HOXA7: variants seen among roughly 807,000 people sequenced by gnomAD.
HOXA7 encodes the protein homeobox protein Hox-A7.
In HOXA7, 16 loss-of-function variants were observed where a neutral mutation model predicts 16.8. The observed-to-expected ratio is 0.95, with a 90% CI of 0.64 to 1.44. The LOEUF (loss-of-function observed/expected upper bound fraction) is 1.44. Among genes scored for constraint, HOXA7 ranks in the 40% most tolerant of loss-of-function variants. HOXA7 has a pLI of 0.00. For missense variants in HOXA7, 379 were observed against 328.6 expected (o/e 1.15, Z -1.19); for synonymous variants, 169 against 144.3 (o/e 1.17, Z -1.23).
chr7:27,154,222 G>T lies in HOXA7; in HGVS notation c.*687C>A, dbSNP rs1783059153. ...TGTGGGTGCCAAGCCAGAGAAGGAG[G>T]GATTGATTCTAGGGTGCAAGCACTT... On this transcript the variant is annotated 3_prime_UTR_variant, in exon 2 of 2. Coordinates refer to ENST00000242159, the MANE Select transcript of HOXA7 (RefSeq NM_006896.4). The T allele has an allele frequency of 6.6e-6, 1 of 152,206 alleles. No homozygotes were observed. Among genetic ancestry groups the T allele is most frequent in the Non-Finnish European group, 1.5e-5 (1 of 68,060 alleles). The allele number at this position is 152,206 out of a possible 1,614,324, so 9.4% of individuals were successfully genotyped here.
Position 27,155,194 on chromosome 7 carries a change from G to A in HOXA7, c.408C>T (p.Thr136=). Residue 136 remains threonine (T), a synonymous_variant, in exon 2 of 2, where the codon ACC becomes ACT. Transcript: ENST00000242159. ...GCTCCAGCGTCTGGTAGCGCGTGTA[G>A]GTCTGGCGGCCCCGCTTCCTGTCAG... is the stretch of plus-strand genomic sequence containing the variant. ...SGPDRKRGRQ[T]YTRYQTLELE... is the part of the protein sequence containing the mutation. The A allele has an allele frequency of 1.2e-6, 2 of 1,614,240 alleles. No individual in the cohort carries two copies. The highest frequency in any genetic ancestry group is 2.2e-5 in the South Asian group (2 of 91,084).
chr7:27,156,646 C>A lies in HOXA7; in HGVS notation c.-101G>T, dbSNP rs1225099086. 3 of 1,336,074 alleles carry A rather than the reference C, an allele frequency of 2.2e-6. No homozygotes were observed. The African/African-American group carries it at 4.4e-5, about 20-fold the overall frequency. The allele number at this position is 1,336,074 out of a possible 1,614,324, so 82.8% of individuals were successfully genotyped here. On this transcript the variant is annotated 5_prime_UTR_variant, in exon 1 of 2. The change abolishes an upstream ATG in the 5' untranslated region. Transcript: ENST00000242159. ...ACACCCCCAGATTTACACCAAACCC[C>A]ATTTTCTTTTGGACGGAGCTCGCCG...
rs1783047239 is a variant in HOXA7, at chr7:27,153,920, A to T, written c.*989T>A. The T allele has an allele frequency of 6.5e-6, 1 of 152,694 alleles. No individual in the cohort carries two copies. Among genetic ancestry groups the T allele is most frequent in the Non-Finnish European group, 1.5e-5 (1 of 68,060 alleles). 9.5% of individuals were successfully genotyped at this position (152,694 alleles called of 1,614,324 possible). On this transcript the variant is annotated 3_prime_UTR_variant, in exon 2 of 2. Coordinates refer to ENST00000242159, the MANE Select transcript of HOXA7 (RefSeq NM_006896.4). Reference sequence around the variant, plus strand: ...ACCATGCTACAAAGTCACCCCATTAACACATCCTTTCCAAGTCAAGACACT... The same window carrying T: ...ACCATGCTACAAAGTCACCCCATTATCACATCCTTTCCAAGTCAAGACACT...
chr7:27,155,423 C>T, intron 1 of HOXA7: 1 of 604,384 alleles, frequency 1.7e-6, no homozygotes, highest in Non-Finnish European at 2.9e-6. Flanking sequence ...GACGCGCAGG[C>T]AGCTCTGTAA....
chr7:27,156,560 A>G lies in HOXA7; in HGVS notation c.-15T>C, dbSNP rs1318217226. 6.4e-7 allele frequency: 1 copy of G among 1,553,590 alleles called. No individual in the cohort carries two copies. The highest frequency in any genetic ancestry group is 8.7e-7 in the Non-Finnish European group (1 of 1,147,032). On this transcript the variant is annotated 5_prime_UTR_variant, in exon 1 of 2. Coordinates refer to ENST00000242159, the MANE Select transcript of HOXA7 (RefSeq NM_006896.4). The stretch of plus-strand genomic sequence containing the variant: ...GAAGAACTCATAATTTTGACCTGTG[A>G]TTTGTTGTCCGGCAGCTTTCAGTGT...
In HOXA7 at chr7:27,156,418, C is replaced by G; in HGVS notation, c.128G>C (p.Gly43Ala). 6.2e-7 allele frequency: 1 copy of G among 1,613,638 alleles called. No homozygotes were observed. The highest frequency in any genetic ancestry group is 8.5e-7 in the Non-Finnish European group (1 of 1,179,734). Residue 43 changes from glycine (G) to alanine (A), a missense_variant, in exon 1 of 2, where the codon GGC becomes GCC. Gly to Ala is a moderately conservative substitution (Grantham distance 60, BLOSUM62 0). Transcript: ENST00000242159. ...PNSQRSGYGA[G>A]AGAFASTVPG... ...AACGGTCGAGGCGAAGGCGCCGGCG[C>G]CCGCCCCGTAGCCGCTTCTCTGTGA...
At position 27,154,679 on chromosome 7, in the gene HOXA7, G is replaced by C. The variant is rs1348934422; in HGVS notation, c.*230C>G. On this transcript the variant is annotated 3_prime_UTR_variant, in exon 2 of 2. Coordinates refer to ENST00000242159, the MANE Select transcript of HOXA7 (RefSeq NM_006896.4). ...GTCTTTTGGGGTCCTCGGAGGCAGA[G>C]GGAATCCAAGGCGACCCAGTCTCTG... 4 of 620,332 alleles carry C rather than the reference G, an allele frequency of 6.4e-6. No homozygotes were observed. The highest frequency in any genetic ancestry group is 1.1e-5 in the Non-Finnish European group (4 of 373,954). 38.4% of individuals were successfully genotyped at this position (620,332 alleles called of 1,614,324 possible).
chr7:27,156,017 AG>A lies in HOXA7; in HGVS notation c.379+149del, dbSNP rs1184868049. The A allele has an allele frequency of 1.2e-5, 11 of 915,448 alleles. No individual in the cohort carries two copies. The Admixed American group carries it at 3.4e-4, about 29-fold the overall frequency. The allele number at this position is 915,448 out of a possible 1,614,324, so 56.7% of individuals were successfully genotyped here. On this transcript the variant is annotated intron_variant, in intron 1 of 1. Coordinates refer to ENST00000242159, the MANE Select transcript of HOXA7 (RefSeq NM_006896.4). The stretch of plus-strand genomic sequence containing the variant: ...GCCTCCGCTCCAATTAAAACCAGAA[AG>A]GCTGCGCCGGGAGTCACGGGGCTAC...
At position 27,156,369 on chromosome 7, in the gene HOXA7, G is replaced by A. The variant is rs748309582; in HGVS notation, c.177C>T (p.Ser59=). The A allele has an allele frequency of 3.1e-6, 5 of 1,614,048 alleles. No homozygotes were observed. The South Asian group carries it at 3.3e-5, about 11-fold the overall frequency. The part of the protein sequence containing the change: ...STVPGLYNVN[S]PLYQSPFASG... ...ACGCAAAGGGGCTCTGATAAAGGGG[G>A]CTGTTGACATTGTATAAGCCCGGAA... Residue 59 remains serine (S), a synonymous_variant, in exon 1 of 2, where the codon AGC becomes AGT. Transcript: ENST00000242159.
chr7:27,155,980 C>A (rs1583421135), intron 1 of HOXA7, 187 bp downstream of exon 1: 1 of 614,946 alleles, frequency 1.6e-6, no homozygotes, highest in South Asian at 4.2e-5. Context: ...GCTATGGGCT[C>A]CACGCAATGG....
In HOXA7 at chr7:27,155,189, G is replaced by T; in HGVS notation, c.413C>A (p.Thr138Lys). Residue 138 changes from threonine (T) to lysine (K), a missense_variant, in exon 2 of 2, where the codon ACG becomes AAG. Thr to Lys is a moderately conservative substitution (Grantham distance 78). Transcript: ENST00000242159. ...CTCCAGCTCCAGCGTCTGGTAGCGC[G>T]TGTAGGTCTGGCGGCCCCGCTTCCT... ...PDRKRGRQTY[T>K]RYQTLELEKE... 2 of 1,614,254 alleles carry T rather than the reference G, an allele frequency of 1.2e-6. No individual in the cohort carries two copies. The highest frequency in any genetic ancestry group is 4.5e-5 in the East Asian group (2 of 44,888).
In HOXA7 at chr7:27,155,076, T is replaced by G; in HGVS notation, c.526A>C (p.Ile176Leu). The G allele has an allele frequency of 6.2e-7, 1 of 1,614,214 alleles. No individual in the cohort carries two copies. The highest frequency in any genetic ancestry group is 8.5e-7 in the Non-Finnish European group (1 of 1,180,038). ...TTCATGCGGCGGTTCTGGAACCAGA[T>G]CTTAATCTGGCGCTCGGTGAGGCAG... is the stretch of plus-strand genomic sequence containing the variant. ...ALCLTERQIK[I>L]WFQNRRMKWK... Residue 176 changes from isoleucine to leucine, a missense_variant, in exon 2 of 2, where the codon ATC becomes CTC. Ile to Leu is a conservative substitution (Grantham distance 5). Coordinates refer to ENST00000242159, the MANE Select transcript of HOXA7 (RefSeq NM_006896.4).
rs1783055267 is a variant in HOXA7, at chr7:27,154,153, T to A, written c.*756A>T. 6.6e-6 allele frequency: 1 copy of A among 152,258 alleles called. No homozygotes were observed. 9.4% of individuals were successfully genotyped at this position (152,258 alleles called of 1,614,324 possible). On this transcript the variant is annotated 3_prime_UTR_variant, in exon 2 of 2. Coordinates refer to ENST00000242159, the MANE Select transcript of HOXA7 (RefSeq NM_006896.4). ...GCTAACCCACAGATCTGCAGCCAGC[T>A]CAGGAACATTCCCCTCCAGAAGTGG... is the stretch of plus-strand genomic sequence containing the variant.
In HOXA7 at chr7:27,153,747, G is replaced by A. The variant is rs554291478; in HGVS notation, c.*1162C>T. On this transcript the variant is annotated 3_prime_UTR_variant, in exon 2 of 2. Transcript: ENST00000242159. ...TTTGTCACCACGCATCTTTATTTTC[G>A]GTTACATAAAACACAGCTGGGCTGG... The A allele has an allele frequency of 1.3e-5, 2 of 152,648 alleles. No homozygotes were observed. Among genetic ancestry groups the A allele is most frequent in the South Asian group, 2.1e-4 (1 of 4,822 alleles). 9.5% of individuals were successfully genotyped at this position (152,648 alleles called of 1,614,324 possible). A position where few individuals can be genotyped will look rare whatever the true frequency, so the allele number is the denominator to read the frequency against.
chr7:27,156,299 C>T lies in HOXA7; in HGVS notation c.247G>A (p.Ala83Thr), dbSNP rs1434462964. ...GADAYGNLPC[A>T]SYDQNIPGLC... ...CCGGGGATGTTTTGGTCGTAGGAGG[C>T]GCAGGGCAGGTTGCCGTAGGCGTCG... The change falls in exon 1 of 2, where the codon GCC becomes ACC. Residue 83 changes from alanine to threonine, a missense_variant. Physicochemically the swap from Ala to Thr is moderately conservative, Grantham distance 58. Transcript: ENST00000242159. 19 of 1,613,668 alleles carry T rather than the reference C, an allele frequency of 1.2e-5. No individual in the cohort carries two copies. The highest frequency in any genetic ancestry group is 1.6e-5 in the Non-Finnish European group (19 of 1,179,906).
At chr7:27,155,302 C>G in intron 1 of HOXA7, 80 bp from the exon 2 acceptor site, 1 of 1,309,770 alleles carries the variant, frequency 7.6e-7, no homozygotes, top group Non-Finnish European at 1.1e-6. Context: ...TCCCAGAGCC[C>G]GCACCTTCCT....
rs1783049696 is a variant in HOXA7, at chr7:27,153,991, C to T, written c.*918G>A. 1 of 152,500 alleles carries T rather than the reference C, an allele frequency of 6.6e-6. No homozygotes were observed. The highest frequency in any genetic ancestry group is 2.4e-5 in the African/African-American group (1 of 41,440). The allele number at this position is 152,500 out of a possible 1,614,324, so 9.4% of individuals were successfully genotyped here. On this transcript the variant is annotated 3_prime_UTR_variant, in exon 2 of 2. Coordinates refer to ENST00000242159, the MANE Select transcript of HOXA7 (RefSeq NM_006896.4). ...GACTATAGAAATGATAAAAAAAAAT[C>T]TTGTTCAAATATACAGTATCTGCTA...
At chr7:27,156,084 CCCGCGCT>C (rs988472505) in intron 1 of HOXA7, 76 bp downstream of exon 1, 14 of 1,370,198 alleles carry the variant, frequency 1.0e-5, no homozygotes, top group Non-Finnish European at 1.2e-5. Context: ...GGCCCCGCGC[CCCGCGCT>C]CCGCGCTCCC....
rs1475659973 is a variant in HOXA7, at chr7:27,154,094, G to A, written c.*815C>T. ...AGGAGCCAGAGGAAAGGACAGCGAAGCTGGAAGCATCTCCACAGTCCTGCT... is the reference window on the plus strand; with the variant it reads ...AGGAGCCAGAGGAAAGGACAGCGAAACTGGAAGCATCTCCACAGTCCTGCT... On this transcript the variant is annotated 3_prime_UTR_variant, in exon 2 of 2. Coordinates refer to ENST00000242159, the MANE Select transcript of HOXA7 (RefSeq NM_006896.4). 1 of 152,314 alleles carries A rather than the reference G, an allele frequency of 6.6e-6. No homozygotes were observed. The highest frequency in any genetic ancestry group is 2.4e-5 in the African/African-American group (1 of 41,476). The allele number at this position is 152,314 out of a possible 1,614,324, so 9.4% of individuals were successfully genotyped here. A position where few individuals can be genotyped will look rare whatever the true frequency, so the allele number is the denominator to read the frequency against.
Sources: gnomAD v4.1 joint callset for allele counts on GRCh38, gnomAD v4.1.1 for gene constraint, MANE v1.5 for transcripts, NCBI Gene and HGNC (gene_info 2026-07-23, HGNC 2026-07-21) for gene names.